The following PDE4D variants were observed in gnomAD, a reference collection of about 807,000 sequenced individuals.
The protein encoded by PDE4D is phosphodiesterase 4D.
PDE4D carries 24 observed loss-of-function variants against 87.4 expected under a neutral mutation model. That is an observed-to-expected ratio of 0.27 (90% CI 0.20 to 0.39). PDE4D has a LOEUF of 0.39. Ranked by LOEUF, PDE4D falls within the 10% of genes least tolerant of loss-of-function variation. The pLI is 1.00. For synonymous variants in PDE4D, 384 were observed against 383.2 expected (o/e 1.00, Z -0.02); for missense variants, 714 against 1,041.0 (o/e 0.69, Z 4.32).
chr5:59,382,575 T>C (rs1786102025), intron 1 of PDE4D, among the ~76,000 whole-genome samples: 1 of 152,198 alleles, frequency 6.6e-6, no homozygotes, highest in Non-Finnish European at 1.5e-5. Flanking sequence ...CCAACAGGGC[T>C]GGCAGTGACA....
intron 1 of PDE4D, among the ~76,000 whole-genome samples, chr5:60,484,864 C>CTT (rs1369130514): frequency 6.6e-6 from 1 of 152,184 alleles, no homozygotes; most frequent in East Asian, 1.9e-4. Flanking sequence ...TTACAATGTT[C>CTT]TTTTGACAAG....
At chr5:60,172,308 A>T (rs987779673) in intron 2 of PDE4D, among the ~76,000 whole-genome samples, 1 of 151,336 alleles carries the variant, frequency 6.6e-6, no homozygotes, top group Non-Finnish European at 1.5e-5. Flanking sequence ...ACAAATATGC[A>T]AAATATTTGA....
intron 1 of PDE4D, among the ~76,000 whole-genome samples, chr5:59,852,714 A>C (rs759160790): frequency 5.4e-4 from 82 of 152,210 alleles, no homozygotes; most frequent in South Asian, 1.2e-3. Flanking sequence ...TTTTGGGTAT[A>C]TGCAGCAATA....
chr5:60,094,526 C>T (rs780918805), intron 2 of PDE4D, among the ~76,000 whole-genome samples: 1 of 142,784 alleles, frequency 7.0e-6, no homozygotes, highest in Admixed American at 7.1e-5. Context: ...AAAGTCTTTA[C>T]AGAGGTAATC....
At position 59,893,465 on chromosome 5, in the gene PDE4D, G is replaced by A. The variant is rs1751279187; in HGVS notation, c.158C>T (p.Pro53Leu). 3 of 1,532,764 alleles carry A rather than the reference G, an allele frequency of 2.0e-6. No homozygotes were observed. The highest frequency in any genetic ancestry group is 2.8e-5 in the African/African-American group (2 of 71,344). The allele number at this position is 1,532,764 out of a possible 1,614,324, so 94.9% of individuals were successfully genotyped here. The change falls in exon 1 of 15, where the codon CCC becomes CTC. Residue 53 changes from proline to leucine, a missense_variant. By Grantham distance (98) the Pro-to-Leu change is moderately conservative. Coordinates refer to ENST00000340635, the MANE Select transcript of PDE4D (RefSeq NM_001104631.2). ...CGGCGGCGGGGGCAGGTGGTGATGG[G>A]GATGCAGGAGGCGGAACTGGGGCTG... ...LRQPQFRLLH[P>L]HHHLPPPPPP...
chr5:60,409,739 G>T (rs916675188), intron 1 of PDE4D, among the ~76,000 whole-genome samples: 2 of 152,298 alleles, frequency 1.3e-5, no homozygotes, highest in Non-Finnish European at 2.9e-5. Context: ...ATTGTCTTGA[G>T]GAAGAATGTT....
At chr5:59,152,655 G>A (rs62356730) in intron 5 of PDE4D, among the ~76,000 whole-genome samples, 8,025 of 151,964 alleles carry the variant, frequency 0.053, 258 homozygotes, top group South Asian at 0.068. Context: ...TAGGTCGTTT[G>A]ATGGGATTAA....
chr5:59,985,779 T>G (rs1762405457), intron 3 of PDE4D, among the ~76,000 whole-genome samples: 1 of 152,206 alleles, frequency 6.6e-6, no homozygotes, highest in East Asian at 1.9e-4. Flanking sequence ...CCAAAATTCA[T>G]GCATACTCAA....
intron 1 of PDE4D, among the ~76,000 whole-genome samples, chr5:59,562,941 A>G (rs1464983009): frequency 3.9e-5 from 6 of 152,196 alleles, no homozygotes; most frequent in African/African-American, 1.4e-4. Flanking sequence ...GTAAAATCAG[A>G]GATAGTGACT....
intron 1 of PDE4D, among the ~76,000 whole-genome samples, chr5:60,197,074 CAGTTAGATAGATAGAT>C (rs1471647727): frequency 0.017 from 915 of 53,522 alleles, 28 homozygotes; most frequent in Middle Eastern, 0.027. Context: ...GATAGATAGA[CAGTTAGATAGATAGAT>C]AGATAGATAG....
Position 59,179,512 on chromosome 5 carries a change from A to G in PDE4D, c.808+1083T>C, listed in dbSNP as rs187746296. ...ATAATATGTTGAAAGAGAAACATGA[A>G]GAAGAGATCAATAATTTAACATTCA... On this transcript the variant is annotated intron_variant, in intron 5 of 14. Transcript: ENST00000340635. 5 of 322,400 alleles carry G rather than the reference A, an allele frequency of 1.6e-5. No individual in the cohort carries two copies. The East Asian group carries it at 5.1e-4, about 33-fold the overall frequency. 20.0% of individuals were successfully genotyped at this position (322,400 alleles called of 1,614,324 possible). A position where few individuals can be genotyped will look rare whatever the true frequency, so the allele number is the denominator to read the frequency against.
chr5:59,156,316 A>ATATATAT (rs1554082861), intron 5 of PDE4D, among the ~76,000 whole-genome samples: 2 of 22,610 alleles, frequency 8.8e-5, no homozygotes, highest in African/African-American at 4.8e-4. Flanking sequence ...CCAGAAAAAA[A>ATATATAT]AAAAATATAT....
intron 3 of PDE4D, among the ~76,000 whole-genome samples, chr5:59,973,764 G>C (rs1337616798): frequency 1.3e-5 from 2 of 151,952 alleles, no homozygotes; most frequent in Non-Finnish European, 2.9e-5. Context: ...CTTTGCTAAG[G>C]CACTGTGTAC....
At chr5:58,988,652 T>A in intron 10 of PDE4D, 60 bp from the exon 11 acceptor site, 1 of 698,176 alleles carries the variant, frequency 1.4e-6, no homozygotes, top group Non-Finnish European at 2.2e-6. Flanking sequence ...ATTAAAAGTA[T>A]AAACAAATAA....
At chr5:59,269,923 T>G (rs1213309450) in intron 1 of PDE4D, among the ~76,000 whole-genome samples, 1 of 152,094 alleles carries the variant, frequency 6.6e-6, no homozygotes, top group African/African-American at 2.4e-5. Context: ...GCCTTGCCCC[T>G]TTTATTTTAC....
At chr5:59,227,541 C>A (rs531476835) in intron 1 of PDE4D, among the ~76,000 whole-genome samples, 7 of 152,002 alleles carry the variant, frequency 4.6e-5, no homozygotes, top group Non-Finnish European at 7.4e-5. Context: ...CGAAATTAAA[C>A]GAACATTCAA....
At chr5:60,056,390 G>A (rs1223300095) in intron 2 of PDE4D, among the ~76,000 whole-genome samples, 5 of 152,066 alleles carry the variant, frequency 3.3e-5, no homozygotes, top group East Asian at 3.9e-4. Flanking sequence ...GAAGGAAGAC[G>A]GGAAGCAGCA....
intron 2 of PDE4D, among the ~76,000 whole-genome samples, chr5:60,076,855 G>A (rs747098011): frequency 2.6e-5 from 4 of 152,212 alleles, no homozygotes; most frequent in Non-Finnish European, 5.9e-5. Context: ...GTTGGATGTG[G>A]CAGTGTGCTA....
At chr5:59,882,176 A>G (rs1234033951) in intron 1 of PDE4D, among the ~76,000 whole-genome samples, 2 of 152,194 alleles carry the variant, frequency 1.3e-5, no homozygotes, top group East Asian at 1.9e-4. Flanking sequence ...CTTCTCAAAC[A>G]TCTGATAAGA....
Sources: allele counts gnomAD v4.1 joint callset (sites outside exome capture counted in the v4.1 genomes callset), GRCh38; gene constraint gnomAD v4.1.1; transcripts MANE v1.5; gene names NCBI Gene and HGNC (gene_info 2026-07-23, HGNC 2026-07-21).